TFDP2: variants seen among roughly 807,000 people sequenced by gnomAD.
TFDP2 encodes transcription factor Dp-2 (E2F dimerization partner 2).
A neutral mutation model predicts 59.3 loss-of-function variants in TFDP2; 17 were observed. The ratio of observed to expected loss-of-function variants is 0.29; its 90% CI spans 0.20 to 0.43. The LOEUF (loss-of-function observed/expected upper bound fraction) is 0.43. Ranked by LOEUF, TFDP2 falls within the 20% of genes least tolerant of loss-of-function variation. The pLI is 1.00. For missense variants in TFDP2, 391 were observed against 528.8 expected (o/e 0.74, Z 2.56); for synonymous variants, 180 against 194.7 (o/e 0.92, Z 0.63).
At chr3:141,970,893 C>T (rs1939626782) in intron 8 of TFDP2, among the ~76,000 whole-genome samples, 1 of 151,668 alleles carries the variant, frequency 6.6e-6, no homozygotes. Context: ...GAAACCCTAT[C>T]TCTACAAAAA....
intron 1 of TFDP2, among the ~76,000 whole-genome samples, chr3:142,131,964 T>TGC (rs1455512349): frequency 1.4e-4 from 20 of 142,382 alleles, no homozygotes; most frequent in African/African-American, 3.7e-4. Context: ...CAAAATCGCT[T>TGC]CATTGCACTC....
intron 2 of TFDP2, among the ~76,000 whole-genome samples, chr3:142,100,301 T>C (rs1320307328): frequency 6.6e-6 from 1 of 152,218 alleles, no homozygotes; most frequent in Non-Finnish European, 1.5e-5. Context: ...ACATCAGACT[T>C]TAACTGTGCC....
chr3:142,104,509 G>A (rs1209007617), intron 1 of TFDP2, among the ~76,000 whole-genome samples: 2 of 152,062 alleles, frequency 1.3e-5, no homozygotes, highest in African/African-American at 2.4e-5. Context: ...AAATTTCAGA[G>A]AGGAAATATT....
intron 3 of TFDP2, 115 bp from the exon 4 acceptor site, chr3:142,005,659 G>A: frequency 1.5e-6 from 1 of 648,914 alleles, no homozygotes; most frequent in South Asian, 2.5e-5. Flanking sequence ...AATTATCTTA[G>A]GAAGCATATT....
At chr3:142,072,275 G>C (rs2060273571) in intron 3 of TFDP2, among the ~76,000 whole-genome samples, 1 of 152,130 alleles carries the variant, frequency 6.6e-6, no homozygotes, top group Non-Finnish European at 1.5e-5. Flanking sequence ...TTACAGATGT[G>C]GACACTGTAG....
intron 1 of TFDP2, among the ~76,000 whole-genome samples, chr3:142,133,956 C>T (rs2062613958): frequency 6.6e-6 from 1 of 151,694 alleles, no homozygotes; most frequent in Admixed American, 6.6e-5. Context: ...ATCACTTGAA[C>T]CCTGGAGGTG....
chr3:141,993,508 T>C (rs369154348), intron 6 of TFDP2, 30 bp downstream of exon 6: 16 of 1,497,134 alleles, frequency 1.1e-5, no homozygotes, highest in Admixed American at 6.1e-5. Flanking sequence ...AGCCAAATCT[T>C]CCAAACAAAA....
intron 3 of TFDP2, among the ~76,000 whole-genome samples, chr3:142,007,850 C>T (rs1426515066): frequency 6.6e-6 from 1 of 152,076 alleles, no homozygotes; most frequent in Non-Finnish European, 1.5e-5. Context: ...GGAGCTCAGG[C>T]AGTGATGCGA....
At position 142,042,737 on chromosome 3, in the gene TFDP2, C is replaced by CTT. The variant is rs1162932187; in HGVS notation, c.83-37195_83-37194dup. The stretch of plus-strand genomic sequence containing the variant: ...CTCTTTTCTACCTCTTGCCTGGACG[C>CTT]TTTTTTTTTTTTTTTTTTTTGAGAC... On this transcript the variant is annotated intron_variant, in intron 3 of 12. Transcript: ENST00000489671. 5.1e-3 allele frequency among the ~76,000 whole-genome samples: 383 copies of CTT among 75,122 alleles called. 23 individuals carry two copies. The highest frequency in any genetic ancestry group is 0.019 in the African/African-American group (320 of 16,458). The allele number at this position is 75,122 out of a possible 152,430, so 49.3% of individuals were successfully genotyped here.
At chr3:142,138,538 A>G (rs1025521806) in intron 1 of TFDP2, among the ~76,000 whole-genome samples, 8 of 152,140 alleles carry the variant, frequency 5.3e-5, no homozygotes, top group Non-Finnish European at 1.0e-4. Context: ...ACACTGCTTT[A>G]AATGTGTCCC....
chr3:142,017,734 G>A (rs1466096089), intron 3 of TFDP2, among the ~76,000 whole-genome samples: 2 of 151,458 alleles, frequency 1.3e-5, no homozygotes, highest in Admixed American at 1.3e-4. Context: ...TGTATTTGTA[G>A]TAGAGACGGG....
intron 8 of TFDP2, among the ~76,000 whole-genome samples, chr3:141,973,123 A>ATATATATATATATATATATATTTTTTT: frequency 1.7e-5 from 1 of 58,030 alleles, no homozygotes; most frequent in Non-Finnish European, 3.7e-5. Context: ...ATATATATAT[A>ATATATATATATATATATATATTTTTTT]TTTTTTTTTT....
At chr3:142,005,638 A>T (rs1944145742) in intron 3 of TFDP2, 94 bp from the exon 4 acceptor site, 2 of 763,214 alleles carry the variant, frequency 2.6e-6, no homozygotes, top group Non-Finnish European at 4.1e-6. Context: ...CATTATGTTG[A>T]GGTAATTTAT....
chr3:141,972,877 T>C (rs1939979082), intron 8 of TFDP2, among the ~76,000 whole-genome samples: 1 of 151,856 alleles, frequency 6.6e-6, no homozygotes, highest in Non-Finnish European at 1.5e-5. Flanking sequence ...TTACTGGTCA[T>C]GAAAATGATG....
At chr3:141,977,611 T>C (rs1291551414) in intron 7 of TFDP2, among the ~76,000 whole-genome samples, 2 of 152,250 alleles carry the variant, frequency 1.3e-5, no homozygotes, top group South Asian at 2.1e-4. Context: ...AACATATTTA[T>C]GTATTCCTTT....
intron 3 of TFDP2, among the ~76,000 whole-genome samples, chr3:142,050,375 TC>T (rs1459149424): frequency 6.6e-6 from 1 of 152,104 alleles, no homozygotes; most frequent in Non-Finnish European, 1.5e-5. Flanking sequence ...TGCTTTTAGT[TC>T]CCTGTTTTCT....
At chr3:142,092,264 T>C (rs1246397473) in intron 3 of TFDP2, among the ~76,000 whole-genome samples, 2 of 152,192 alleles carry the variant, frequency 1.3e-5, no homozygotes, top group Admixed American at 6.5e-5. Context: ...CAAGATATTG[T>C]TCAAAGAGAC....
chr3:142,022,859 A>G (rs1458884460), intron 3 of TFDP2, among the ~76,000 whole-genome samples: 1 of 152,118 alleles, frequency 6.6e-6, no homozygotes, highest in African/African-American at 2.4e-5. Context: ...CAGGTGGCTC[A>G]CGCCTGAATC....
rs572483720 is a variant in TFDP2 at position 142,072,677 on chromosome 3, G to A, written c.82+20384C>T. On this transcript the variant is annotated intron_variant, in intron 3 of 12. Coordinates refer to ENST00000489671, the MANE Select transcript of TFDP2 (RefSeq NM_001178139.2). ...TGACTAGGATGTGTCCAAGGGACAC[G>A]GAAACCAACTGAAAGAGCTTCCAAT... is the stretch of plus-strand genomic sequence containing the variant. Among the ~76,000 whole-genome samples the A allele has an allele frequency of 3.9e-5, 6 of 152,288 alleles. No homozygotes were observed. In the East Asian group the frequency reaches 5.8e-4, roughly 15 times the overall value.
Sources: gnomAD v4.1 joint callset for allele counts (sites outside exome capture counted in the v4.1 genomes callset) on GRCh38, gnomAD v4.1.1 for gene constraint, MANE v1.5 for transcripts, NCBI Gene and HGNC (gene_info 2026-07-23, HGNC 2026-07-21) for gene names.